The following DCAF6 variants were observed in gnomAD, a reference collection of about 807,000 sequenced individuals.
The protein encoded by DCAF6 is DDB1- and CUL4-associated factor 6.
In DCAF6, 54 loss-of-function variants were observed where a neutral mutation model predicts 125.1. The ratio of observed to expected loss-of-function variants is 0.43; its 90% CI spans 0.35 to 0.54. The LOEUF (loss-of-function observed/expected upper bound fraction) is 0.54. Among genes scored for constraint, DCAF6 ranks in the 20% least tolerant of loss-of-function variants. DCAF6 has a pLI of 0.01. For synonymous variants in DCAF6, 371 were observed against 390.4 expected, an observed-to-expected ratio of 0.95 and a Z score of 0.58; for missense variants, 934 against 1,161.7, an observed-to-expected ratio of 0.80 and a Z score of 2.85.
intron 11 of DCAF6, among the ~76,000 whole-genome samples, chr1:168,016,910 T>C (rs1483130155): frequency 6.6e-6 from 1 of 152,072 alleles, no homozygotes; most frequent in African/African-American, 2.4e-5. Flanking sequence ...ATTTGATTAT[T>C]TGGAACTAAT....
At chr1:168,057,043 A>G (rs879552632) in intron 17 of DCAF6, among the ~76,000 whole-genome samples, 2 of 152,180 alleles carry the variant, frequency 1.3e-5, no homozygotes, top group Admixed American at 6.5e-5. Context: ...TAACTGAATT[A>G]CTTAAGTCAT....
intron 1 of DCAF6, among the ~76,000 whole-genome samples, chr1:167,937,594 G>A (rs556950353): frequency 6.6e-6 from 1 of 152,114 alleles, no homozygotes; most frequent in Non-Finnish European, 1.5e-5. Flanking sequence ...TCTTCAGTTC[G>A]TTTTGACCGC....
At chr1:167,977,526 C>T (rs12239460) in intron 4 of DCAF6, among the ~76,000 whole-genome samples, 2,828 of 151,618 alleles carry the variant, frequency 0.019, 83 homozygotes, top group African/African-American at 0.065. Context: ...TTTTCTTTGC[C>T]GGGTTTTTTT....
At chr1:167,992,435 T>A (rs948839583) in intron 6 of DCAF6, among the ~76,000 whole-genome samples, 4 of 152,222 alleles carry the variant, frequency 2.6e-5, no homozygotes, top group Admixed American at 2.6e-4. Context: ...CTGTGATAGC[T>A]TTTATTTATA....
chr1:168,009,723 A>G (rs1477337805), intron 10 of DCAF6, among the ~76,000 whole-genome samples: 1 of 152,026 alleles, frequency 6.6e-6, no homozygotes, highest in African/African-American at 2.4e-5. Flanking sequence ...ATGCCATATA[A>G]GACAAGTCTT....
chr1:167,873,036 C>A, the DCAF6 span, among the ~76,000 whole-genome samples: 1 of 151,832 alleles, frequency 6.6e-6, no homozygotes, highest in Non-Finnish European at 1.5e-5. Flanking sequence ...CGCCACTGCA[C>A]TCCAGCCTGG....
intron 1 of DCAF6, among the ~76,000 whole-genome samples, chr1:167,947,376 C>G (rs1050768818): frequency 1.3e-5 from 2 of 148,922 alleles, no homozygotes; most frequent in Non-Finnish European, 3.0e-5. Flanking sequence ...TCATTTAGTT[C>G]TGCTCTGATC....
chr1:167,920,411 T>C, the DCAF6 span: 14 of 923,412 alleles, frequency 1.5e-5, no homozygotes, highest in Non-Finnish European at 2.2e-5. Flanking sequence ...ACTTAATAAC[T>C]TCCTAGACAT....
At chr1:168,049,245 T>G (rs1209622502) in intron 16 of DCAF6, among the ~76,000 whole-genome samples, 1 of 152,030 alleles carries the variant, frequency 6.6e-6, no homozygotes, top group Non-Finnish European at 1.5e-5. Context: ...TTTATTTCAT[T>G]TTGTTTTATT....
At chr1:168,015,266 A>G (rs1270539658) in intron 10 of DCAF6, among the ~76,000 whole-genome samples, 1 of 152,246 alleles carries the variant, frequency 6.6e-6, no homozygotes, top group Non-Finnish European at 1.5e-5. Context: ...CAATTCTAAC[A>G]TGAAATATTT....
At chr1:167,896,916 A>G in the DCAF6 span, among the ~76,000 whole-genome samples, 1 of 152,214 alleles carries the variant, frequency 6.6e-6, no homozygotes, top group Non-Finnish European at 1.5e-5. Flanking sequence ...ATATGTACAG[A>G]GAGGGTCATT....
chr1:167,926,213 TAA>T, the DCAF6 span, among the ~76,000 whole-genome samples: 4 of 152,232 alleles, frequency 2.6e-5, no homozygotes, highest in African/African-American at 9.6e-5. Context: ...AGAATAAATC[TAA>T]AAACAGTGCT....
chr1:168,030,613 T>C (rs1009161567), intron 12 of DCAF6, among the ~76,000 whole-genome samples: 1 of 152,128 alleles, frequency 6.6e-6, no homozygotes, highest in Non-Finnish European at 1.5e-5. Flanking sequence ...TCAAGAAATA[T>C]TTAAGATGTA....
intron 12 of DCAF6, among the ~76,000 whole-genome samples, chr1:168,033,893 T>TC (rs1687465625): frequency 6.6e-6 from 1 of 152,190 alleles, no homozygotes; most frequent in East Asian, 1.9e-4. Context: ...AGGGATTTTT[T>TC]CCCCACTATA....
the DCAF6 span, chr1:167,899,299 AC>A: frequency 1.0e-6 from 1 of 954,470 alleles, no homozygotes; most frequent in Non-Finnish European, 1.7e-6. Context: ...CCTAACCCAG[AC>A]TGACCCCATC....
At chr1:167,953,680 A>G (rs371949456) in intron 2 of DCAF6, among the ~76,000 whole-genome samples, 2 of 152,060 alleles carry the variant, frequency 1.3e-5, no homozygotes, top group East Asian at 1.9e-4. Context: ...GCTCACTGCA[A>G]CCTCCGTCTC....
chr1:167,878,738 C>T, the DCAF6 span: 1 of 1,176,888 alleles, frequency 8.5e-7, no homozygotes, highest in Non-Finnish European at 1.2e-6. Context: ...CCTTTACTCC[C>T]TTTGCTGTTC....
intron 11 of DCAF6, among the ~76,000 whole-genome samples, chr1:168,016,315 G>C (rs1422367856): frequency 6.6e-6 from 1 of 151,944 alleles, no homozygotes; most frequent in Non-Finnish European, 1.5e-5. Flanking sequence ...ATGCTTTATG[G>C]CTCCTAGCTC....
At chr1:167,922,858 A>T in the DCAF6 span, among the ~76,000 whole-genome samples, 2 of 152,192 alleles carry the variant, frequency 1.3e-5, no homozygotes, top group South Asian at 4.1e-4. Context: ...ACAACAAAAA[A>T]CACCTTGATT....
Sources: allele counts gnomAD v4.1 joint callset (sites outside exome capture counted in the v4.1 genomes callset), GRCh38; gene constraint gnomAD v4.1.1; transcripts MANE v1.5; gene names NCBI Gene and HGNC (gene_info 2026-07-23, HGNC 2026-07-21).